The following USH2A variants were observed in gnomAD, a reference collection of about 807,000 sequenced individuals.
USH2A encodes the protein Usher syndrome 2A (autosomal recessive, mild).
A neutral mutation model predicts 538.9 loss-of-function variants in USH2A; 443 were observed. That is an observed-to-expected ratio of 0.82 (90% CI 0.76 to 0.89). The LOEUF is 0.89. Ranked by LOEUF, USH2A falls within the 40% of genes least tolerant of loss-of-function variation. USH2A has a pLI of 0.00. For synonymous variants in USH2A, 2,413 were observed against 2,273.5 expected (o/e 1.06, Z -1.75); for missense variants, 6,633 against 6,324.8 (o/e 1.05, Z -1.65).
chr1:216,150,992 T>A (rs115051895), intron 21 of USH2A, among the ~76,000 whole-genome samples: 4,880 of 152,242 alleles, frequency 0.032, 254 homozygotes, highest in African/African-American at 0.11. Context: ...GGAAGACACG[T>A]GCCCTGTATT....
At chr1:215,939,781 G>A (rs1666591923) in intron 37 of USH2A, among the ~76,000 whole-genome samples, 1 of 151,550 alleles carries the variant, frequency 6.6e-6, no homozygotes, top group Admixed American at 6.6e-5. Context: ...TTTTTTCTCT[G>A]TGCTGGACTG....
chr1:215,898,972 G>T (rs918489583), intron 40 of USH2A, among the ~76,000 whole-genome samples: 1 of 152,136 alleles, frequency 6.6e-6, no homozygotes, highest in Non-Finnish European at 1.5e-5. Context: ...CTTTCTCCCA[G>T]GGAGTAATTA....
Position 216,048,591 on chromosome 1 carries a change from T to C in USH2A, c.6106A>G (p.Thr2036Ala). The change falls in exon 31 of 72, where the codon ACT becomes GCT. Residue 2036 changes from threonine to alanine, a missense_variant. Coordinates refer to ENST00000307340, the MANE Select transcript of USH2A (RefSeq NM_206933.4). ...GAGCTCTCAGTACAGCCAGCCAAAG[T>C]GCAAGCAGTTAGGGTTACTGCATAG... is the stretch of plus-strand genomic sequence containing the variant. Reference protein sequence around the residue: ...KNYAVTLTACTLAGCTESSHA... With the variant: ...KNYAVTLTACALAGCTESSHA... The C allele has an allele frequency of 6.2e-7, 1 of 1,614,124 alleles. No homozygotes were observed.
chr1:216,097,964 C>T (rs528031706), intron 21 of USH2A, among the ~76,000 whole-genome samples: 1 of 150,702 alleles, frequency 6.6e-6, no homozygotes, highest in Non-Finnish European at 1.5e-5. Flanking sequence ...ATGCCTCCCC[C>T]CTACCTTTAC....
At chr1:216,071,374 C>G (rs191759321) in intron 29 of USH2A, among the ~76,000 whole-genome samples, 1 of 152,096 alleles carries the variant, frequency 6.6e-6, no homozygotes, top group Non-Finnish European at 1.5e-5. Flanking sequence ...GCCACAAGAT[C>G]GAGTTGCAAG....
chr1:215,880,071 A>G (rs1011816085), intron 41 of USH2A, among the ~76,000 whole-genome samples: 1 of 152,156 alleles, frequency 6.6e-6, no homozygotes. Flanking sequence ...TAGTAATTAG[A>G]GTCATGTTTT....
chr1:215,714,015 G>T (rs1659412418), intron 61 of USH2A, among the ~76,000 whole-genome samples: 1 of 152,140 alleles, frequency 6.6e-6, no homozygotes, highest in Non-Finnish European at 1.5e-5. Flanking sequence ...TCCACAGATT[G>T]GTTATTGAGG....
chr1:215,906,943 C>T (rs1340207206), intron 38 of USH2A, among the ~76,000 whole-genome samples: 1 of 151,898 alleles, frequency 6.6e-6, no homozygotes. Flanking sequence ...CAACTTTATC[C>T]TCTCACCAAA....
chr1:215,663,095 G>A lies in USH2A; in HGVS notation c.14133+7877C>T, dbSNP rs145046523. Among the ~76,000 whole-genome samples, 591 of 152,256 alleles carry A rather than the reference G, an allele frequency of 3.9e-3. 1 individual carries two copies. The highest frequency in any genetic ancestry group is 6.1e-3 in the Non-Finnish European group (417 of 68,010). On this transcript the variant is annotated intron_variant, in intron 64 of 71. Transcript: ENST00000307340. ...GATGAGGAGGGTTGAACTTCCTAGC[G>A]GAAGGAGTATCACACCTTTAGAGGC...
chr1:216,255,078 A>C (rs1296737295), intron 11 of USH2A, among the ~76,000 whole-genome samples: 2 of 152,196 alleles, frequency 1.3e-5, no homozygotes, highest in African/African-American at 2.4e-5. Flanking sequence ...TCTGATAACA[A>C]ACAAATATCT....
In USH2A at chr1:215,867,143, G is replaced by A. The variant is rs397518040; in HGVS notation, c.8709C>T (p.Phe2903=). Residue 2903 remains phenylalanine (F), a synonymous_variant, in exon 44 of 72, where the codon TTC becomes TTT. Coordinates refer to ENST00000307340, the MANE Select transcript of USH2A (RefSeq NM_206933.4). ...SRFTTYEYML[F]VHNSVGFTPS... is the part of the protein sequence containing the mutation. Reference sequence around the variant, plus strand: ...GTGTAAAACCCACACTGTTGTGTACGAAGAGCATATATTCATAGGTTGTAA... The same window carrying A: ...GTGTAAAACCCACACTGTTGTGTACAAAGAGCATATATTCATAGGTTGTAA... 7 of 1,614,074 alleles carry A rather than the reference G, an allele frequency of 4.3e-6. No individual in the cohort carries two copies. The highest frequency in any genetic ancestry group is 5.9e-6 in the Non-Finnish European group (7 of 1,179,986).
intron 44 of USH2A, among the ~76,000 whole-genome samples, chr1:215,846,973 C>T (rs997983125): frequency 6.6e-6 from 1 of 152,176 alleles, no homozygotes; most frequent in African/African-American, 2.4e-5. Context: ...GGCTCTCATC[C>T]TTCTCTTCTA....
intron 2 of USH2A, among the ~76,000 whole-genome samples, chr1:216,420,167 C>T (rs546165552): frequency 7.9e-5 from 12 of 152,008 alleles, no homozygotes; most frequent in South Asian, 6.2e-4. Flanking sequence ...AAAGAGTTTG[C>T]CCCTATTCAT....
At chr1:216,281,072 A>C (rs995945718) in intron 11 of USH2A, among the ~76,000 whole-genome samples, 1 of 152,176 alleles carries the variant, frequency 6.6e-6, no homozygotes, top group Non-Finnish European at 1.5e-5. Context: ...TTATAACATT[A>C]TTTAGGTAAG....
chr1:216,180,561 C>T (rs527469378), intron 20 of USH2A, among the ~76,000 whole-genome samples: 1 of 152,110 alleles, frequency 6.6e-6, no homozygotes, highest in African/African-American at 2.4e-5. Flanking sequence ...GAACTAAAAG[C>T]TGAACAAAGC....
chr1:215,631,687 A>C lies in USH2A; in HGVS notation c.15298-2652T>G, dbSNP rs180671674. ...ATGGCTTCCCTGCTGAGGATGAGCC[A>C]GTTCCCTGGGCCCAGAGCCCCTGGC... On this transcript the variant is annotated intron_variant, in intron 70 of 71. Transcript: ENST00000307340. Among the ~76,000 whole-genome samples the C allele has an allele frequency of 7.9e-5, 12 of 152,324 alleles. 1 individual carries two copies. The highest frequency in any genetic ancestry group is 2.9e-4 in the African/African-American group (12 of 41,582).
intron 30 of USH2A, among the ~76,000 whole-genome samples, chr1:216,052,001 C>T (rs2030802523): frequency 6.6e-6 from 1 of 152,176 alleles, no homozygotes; most frequent in Non-Finnish European, 1.5e-5. Flanking sequence ...GAGTTCACAA[C>T]TCACTAAGTG....
At chr1:215,795,694 G>A (rs1662106648) in intron 50 of USH2A, among the ~76,000 whole-genome samples, 1 of 152,130 alleles carries the variant, frequency 6.6e-6, no homozygotes, top group Admixed American at 6.5e-5. Flanking sequence ...TAATAGACCT[G>A]TTATTAGCTA....
intron 31 of USH2A, 117 bp downstream of exon 31, chr1:216,048,417 T>G: frequency 9.5e-7 from 1 of 1,051,788 alleles, no homozygotes; most frequent in Non-Finnish European, 1.5e-6. Flanking sequence ...GGCAATGCAC[T>G]TTGTCATCAA....
Sources: allele counts gnomAD v4.1 joint callset (sites outside exome capture counted in the v4.1 genomes callset), GRCh38; gene constraint gnomAD v4.1.1; transcripts MANE v1.5; gene names NCBI Gene and HGNC (gene_info 2026-07-23, HGNC 2026-07-21).